Variants in TMEM232 observed in about 807,000 individuals in gnomAD.
TMEM232 encodes transmembrane protein 232.
TMEM232 carries 80 observed loss-of-function variants against 78.8 expected under a neutral mutation model. The ratio of observed to expected loss-of-function variants is 1.01; its 90% confidence interval spans 0.85 to 1.22. TMEM232 has a LOEUF of 1.22. TMEM232 is among the 50% of genes most tolerant of loss of function. The pLI, the probability that TMEM232 is intolerant of heterozygous loss-of-function variation, is 0.00. For missense variants in TMEM232, 881 were observed against 742.2 expected (o/e 1.19, Z -2.17); for synonymous variants, 297 against 254.3 (o/e 1.17, Z -1.60).
chr5:110,393,811 G>T (rs1248935035), intron 3 of TMEM232, among the ~76,000 whole-genome samples: 3 of 151,668 alleles, frequency 2.0e-5, no homozygotes, highest in African/African-American at 7.3e-5. Context: ...ACAAAAATTA[G>T]CCAGGCATGG....
At chr5:110,498,525 TA>T (rs1765868920) in intron 12 of TMEM232, among the ~76,000 whole-genome samples, 1 of 152,014 alleles carries the variant, frequency 6.6e-6, no homozygotes, top group South Asian at 2.1e-4. Context: ...CTGGATAAAA[TA>T]TAAAAGTTAA....
rs900252268 is a variant in TMEM232, at chr5:110,667,261, T to C, written c.92A>G (p.Gln31Arg). Residue 31 changes from glutamine (Q) to arginine (R), a missense_variant, in exon 2 of 14, where the codon CAA becomes CGA. Physicochemically the swap from Gln to Arg is conservative, Grantham distance 43 (BLOSUM62 1). Transcript: ENST00000455884. Reference sequence around the variant, plus strand: ...ATGACCCCTTTCTCCACTTAAATGTTGAAAATTTAATTTCCAGAGCTCTTC... The same window carrying C: ...ATGACCCCTTTCTCCACTTAAATGTCGAAAATTTAATTTCCAGAGCTCTTC... ...YHEELWKLNF[Q>R]HLSGERGHKS... is the part of the protein sequence containing the mutation. 3.9e-6 allele frequency: 6 copies of C among 1,547,074 alleles called. No individual in the cohort carries two copies. In the African/African-American group the frequency reaches 6.9e-5, roughly 18 times the overall value.
At chr5:110,605,853 T>A (rs930782281) in intron 9 of TMEM232, among the ~76,000 whole-genome samples, 15 of 152,066 alleles carry the variant, frequency 9.9e-5, no homozygotes, top group Non-Finnish European at 1.5e-5. Context: ...ATTTTATGTA[T>A]GAGAATAACA....
intron 10 of TMEM232, among the ~76,000 whole-genome samples, chr5:110,579,920 G>T (rs1458882260): frequency 1.3e-5 from 2 of 151,664 alleles, no homozygotes; most frequent in South Asian, 2.1e-4. Context: ...CTATAAGGGG[G>T]TCACTTTATA....
At chr5:110,664,241 A>T (rs1435192518) in intron 2 of TMEM232, among the ~76,000 whole-genome samples, 1 of 152,216 alleles carries the variant, frequency 6.6e-6, no homozygotes, top group Admixed American at 6.5e-5. Flanking sequence ...AAAAATTTGG[A>T]AAATAATAAA....
intron 11 of TMEM232, among the ~76,000 whole-genome samples, chr5:110,557,779 C>A (rs1396227802): frequency 6.6e-6 from 1 of 152,058 alleles, no homozygotes; most frequent in African/African-American, 2.4e-5. Context: ...CCAATCACCT[C>A]CCCCCAGGCC....
At chr5:110,588,362 T>A (rs148063027) in intron 10 of TMEM232, among the ~76,000 whole-genome samples, 1 of 152,242 alleles carries the variant, frequency 6.6e-6, no homozygotes, top group African/African-American at 2.4e-5. Flanking sequence ...TGTCTTCACA[T>A]CATATTATAT....
At chr5:110,389,330 G>A (rs1279901851) in intron 4 of TMEM232, among the ~76,000 whole-genome samples, 1 of 151,992 alleles carries the variant, frequency 6.6e-6, no homozygotes, top group African/African-American at 2.4e-5. Context: ...ATTTACCATT[G>A]GAAACATTAA....
chr5:110,391,320 T>TGAGAGAGAGAGA lies in TMEM232; in HGVS notation n.391-681_391-680insTCTCTCTCTCTC, dbSNP rs1433740681. ...GTGTGTGTGTGTGTGTGTGTGTGTG[T>TGAGAGAGAGAGA]GTGTGTGAGAGAGAGAGAGAGAGAG... On this transcript the variant is annotated intron_variant and non_coding_transcript_variant, in intron 3 of 8. Transcript: ENST00000507188. 7.2e-3 allele frequency among the ~76,000 whole-genome samples: 1,000 copies of TGAGAGAGAGAGA among 139,218 alleles called. 19 individuals carry two copies. The highest frequency in any genetic ancestry group is 0.029 in the African/African-American group (958 of 32,856). The allele number at this position is 139,218 out of a possible 152,430, so 91.3% of individuals were successfully genotyped here.
At position 110,662,416 on chromosome 5, in the gene TMEM232, A is replaced by T. The variant is rs537206582; in HGVS notation, c.125+4812T>A. ...GTTTATAAATTAGAATATGGTTATG[A>T]TAAAGATGTTGTTTCTCCAAATTGA... On this transcript the variant is annotated intron_variant, in intron 2 of 13. Transcript: ENST00000455884. Among the ~76,000 whole-genome samples, 27 of 152,316 alleles carry T rather than the reference A, an allele frequency of 1.8e-4. No homozygotes were observed. In the South Asian group the frequency reaches 5.4e-3, roughly 30 times the overall value.
At chr5:110,480,799 C>T (rs1763779726) in intron 12 of TMEM232, among the ~76,000 whole-genome samples, 1 of 152,008 alleles carries the variant, frequency 6.6e-6, no homozygotes, top group African/African-American at 2.4e-5. Flanking sequence ...ATAAATACTC[C>T]ATTTATACTT....
chr5:110,458,271 CTTT>C (rs369663327), intron 12 of TMEM232, among the ~76,000 whole-genome samples: 2 of 150,972 alleles, frequency 1.3e-5, no homozygotes, highest in Admixed American at 1.3e-4. Flanking sequence ...GTTTTGTCAT[CTTT>C]TTTTTGTTTT....
chr5:110,436,634 T>A (rs928304229), intron 12 of TMEM232, among the ~76,000 whole-genome samples: 2 of 152,094 alleles, frequency 1.3e-5, no homozygotes, highest in African/African-American at 4.8e-5. Flanking sequence ...GATTTTTGCA[T>A]AAGGCAAGAG....
chr5:110,691,390 G>A (rs1205189544), intron 1 of TMEM232, among the ~76,000 whole-genome samples: 2 of 152,188 alleles, frequency 1.3e-5, no homozygotes, highest in East Asian at 1.9e-4. Context: ...AACTGCTAAT[G>A]TGATGAATGG....
downstream of TMEM232, among the ~76,000 whole-genome samples, chr5:110,418,833 G>T (rs746435990): frequency 6.6e-5 from 10 of 152,194 alleles, no homozygotes; most frequent in Non-Finnish European, 7.4e-5. Flanking sequence ...TACAAAGATG[G>T]TGCTGAAACA....
intron 1 of TMEM232, among the ~76,000 whole-genome samples, chr5:110,699,583 A>G (rs1204864433): frequency 1.3e-5 from 2 of 152,058 alleles, no homozygotes; most frequent in Non-Finnish European, 2.9e-5. Context: ...GCATTTAGAA[A>G]CTTTACAAAG....
intron 12 of TMEM232, among the ~76,000 whole-genome samples, chr5:110,478,839 C>T (rs1283357563): frequency 6.8e-6 from 1 of 147,488 alleles, no homozygotes; most frequent in Non-Finnish European, 1.5e-5. Flanking sequence ...AGTGTTTTGT[C>T]TATGCATTGT....
intron 2 of TMEM232, among the ~76,000 whole-genome samples, chr5:110,407,479 T>C (rs1159405390): frequency 6.6e-6 from 1 of 152,156 alleles, no homozygotes; most frequent in African/African-American, 2.4e-5. Flanking sequence ...GAGAATATCA[T>C]AATTATATAA....
chr5:110,478,873 G>C (rs1763543470), intron 12 of TMEM232, among the ~76,000 whole-genome samples: 2 of 143,228 alleles, frequency 1.4e-5, no homozygotes, highest in South Asian at 4.6e-4. Flanking sequence ...GAAGTGTTTT[G>C]ATTATGAGCA....
Sources: gnomAD v4.1 joint callset for allele counts (sites outside exome capture counted in the v4.1 genomes callset) on GRCh38, gnomAD v4.1.1 for gene constraint, MANE v1.5 for transcripts, NCBI Gene and HGNC (gene_info 2026-07-23, HGNC 2026-07-21) for gene names.